The following ZNF600 variants were observed in gnomAD, a reference collection of about 807,000 sequenced individuals.
ZNF600 encodes the protein zinc finger protein KR-ZNF1.
ZNF600 carries 4 observed loss-of-function variants against 7.3 expected under a neutral mutation model. The observed-to-expected ratio is 0.55, with a 90% CI of 0.27 to 1.25. The LOEUF is 1.25. Among genes scored for constraint, ZNF600 ranks in the 50% most tolerant of loss-of-function variants. The pLI is 0.12. For synonymous variants in ZNF600, 290 were observed against 308.9 expected (o/e 0.94, Z 0.64); for missense variants, 911 against 922.1 (o/e 0.99, Z 0.16).
chr19:52,795,096 C>T, the ZNF600 span, among the ~76,000 whole-genome samples: 1 of 152,148 alleles, frequency 6.6e-6, no homozygotes, highest in South Asian at 2.1e-4. Flanking sequence ...AACATATGGG[C>T]TCTGCTGGAA....
At chr19:52,815,970 ATT>A in the ZNF600 span, among the ~76,000 whole-genome samples, 11 of 147,206 alleles carry the variant, frequency 7.5e-5, no homozygotes, top group African/African-American at 2.9e-4. Context: ...ATACATAAAA[ATT>A]TTTCTTTAAT....
At chr19:52,823,065 G>A in the ZNF600 span, among the ~76,000 whole-genome samples, 2 of 152,066 alleles carry the variant, frequency 1.3e-5, no homozygotes, top group African/African-American at 4.8e-5. Context: ...GATTGGTTAT[G>A]GATTGATACA....
chr19:52,817,258 G>A, the ZNF600 span, among the ~76,000 whole-genome samples: 2 of 152,190 alleles, frequency 1.3e-5, no homozygotes, highest in East Asian at 3.9e-4. Flanking sequence ...TGTAATGCCA[G>A]CTACTCGGGA....
chr19:52,827,429 G>A, the ZNF600 span, among the ~76,000 whole-genome samples: 1 of 152,064 alleles, frequency 6.6e-6, no homozygotes, highest in Non-Finnish European at 1.5e-5. Flanking sequence ...GCATCCAAAT[G>A]TGGTGCCTGA....
chr19:52,824,969 C>G, the ZNF600 span, among the ~76,000 whole-genome samples: 1 of 152,114 alleles, frequency 6.6e-6, no homozygotes, highest in Admixed American at 6.5e-5. Context: ...CGGTGGTGCA[C>G]ACCTGTAGTT....
the ZNF600 span, among the ~76,000 whole-genome samples, chr19:52,827,079 A>G: frequency 2.6e-5 from 4 of 151,980 alleles, no homozygotes; most frequent in East Asian, 1.9e-4. Context: ...ATAGCCACAT[A>G]ATAAAAAATG....
chr19:52,768,302 G>T (rs1354124918), intron 3 of ZNF600, among the ~76,000 whole-genome samples: 2 of 151,274 alleles, frequency 1.3e-5, no homozygotes, highest in African/African-American at 4.9e-5. Flanking sequence ...AACCAGGTGT[G>T]CTGGCCCGTG....
At chr19:52,765,806 T>C (rs1421058803) in exon 4 of ZNF600, 13 of 1,613,858 alleles carry the variant, frequency 8.1e-6, no homozygotes, top group Non-Finnish European at 1.0e-5. Flanking sequence ...TAAGGTGTGA[T>C]TTGCGACTGA....
intron 1 of ZNF600, among the ~76,000 whole-genome samples, 182 bp from the exon 2 acceptor site, chr19:52,781,646 G>T (rs1363933400): frequency 6.6e-6 from 1 of 152,066 alleles, no homozygotes. Flanking sequence ...TGCATCTGCG[G>T]TCCCAGCTAC....
At chr19:52,774,588 G>A (rs1218602798) in exon 3 of ZNF600, 6 of 985,158 alleles carry the variant, frequency 6.1e-6, no homozygotes, top group Non-Finnish European at 6.0e-6. Context: ...CAGCTTCCAG[G>A]TTCCTGTAGT....
At chr19:52,764,853 A>G (rs1225140276) in exon 4 of ZNF600, 2 of 173,418 alleles carry the variant, frequency 1.2e-5, no homozygotes, top group African/African-American at 4.8e-5. Flanking sequence ...TCAAAAAAGT[A>G]CTATCTCTTT....
exon 1 of ZNF600, chr19:52,786,740 T>A (rs1341420162): frequency 5.3e-6 from 2 of 379,582 alleles, no homozygotes; most frequent in Non-Finnish European, 5.6e-6. Context: ...CGCGCCGTGG[T>A]AGGACCTTCA....
At chr19:52,802,761 CT>C in the ZNF600 span, among the ~76,000 whole-genome samples, 70,373 of 127,144 alleles carry the variant, frequency 0.55, 18,477 homozygotes, top group Non-Finnish European at 0.6. Flanking sequence ...CACGTTGTGA[CT>C]TTTTTTTTTT....
exon 4 of ZNF600, chr19:52,767,048 A>G (rs751333473): frequency 1.2e-6 from 2 of 1,614,146 alleles, no homozygotes; most frequent in East Asian, 2.2e-5. Context: ...GAAGTCTACG[A>G]TGGCATGTAA....
At chr19:52,801,951 G>C in the ZNF600 span, among the ~76,000 whole-genome samples, 1 of 152,112 alleles carries the variant, frequency 6.6e-6, no homozygotes, top group African/African-American at 2.4e-5. Flanking sequence ...ACATGTGTGA[G>C]CCTAAAGTAA....
chr19:52,831,454 C>T, the ZNF600 span, among the ~76,000 whole-genome samples: 4 of 151,476 alleles, frequency 2.6e-5, no homozygotes, highest in South Asian at 8.4e-4. Flanking sequence ...GGATAACAGG[C>T]GCCTGCCACC....
the ZNF600 span, among the ~76,000 whole-genome samples, chr19:52,821,350 A>C: frequency 6.5e-4 from 98 of 151,620 alleles, no homozygotes; most frequent in East Asian, 1.5e-3. Flanking sequence ...GAAAACTACG[A>C]GATAGGAAGT....
At chr19:52,801,136 G>A in the ZNF600 span, 4 of 1,613,992 alleles carry the variant, frequency 2.5e-6, no homozygotes, top group Non-Finnish European at 2.5e-6. Context: ...TCTTCTAAGT[G>A]GGTTATCTGA....
At chr19:52,807,225 A>C in the ZNF600 span, among the ~76,000 whole-genome samples, 5 of 123,774 alleles carry the variant, frequency 4.0e-5, no homozygotes, top group African/African-American at 1.4e-4. Flanking sequence ...TTATAAAAAG[A>C]AAGGACCATA....
Sources: gnomAD v4.1 joint callset for allele counts (sites outside exome capture counted in the v4.1 genomes callset) on GRCh38, gnomAD v4.1.1 for gene constraint, MANE v1.5 for transcripts, NCBI Gene and HGNC (gene_info 2026-07-23, HGNC 2026-07-21) for gene names.